The following SPRR2G variants were observed in gnomAD, a reference collection of about 807,000 sequenced individuals.
The protein encoded by SPRR2G is small proline rich protein 2G.
A neutral mutation model predicts 0.7 loss-of-function variants in SPRR2G; 1 was observed. That is an observed-to-expected ratio of 1.49 (90% CI 0.53 to 7.06). The LOEUF (loss-of-function observed/expected upper bound fraction) is 7.06, where lower values mean the gene tolerates loss of function less well. SPRR2G is among the 30% of genes most tolerant of loss of function. SPRR2G has a pLI of 0.14. For synonymous variants in SPRR2G, 38 were observed against 33.9 expected, an observed-to-expected ratio of 1.12 and a Z score of -0.42; for missense variants, 96 against 88.5, an observed-to-expected ratio of 1.09 and a Z score of -0.34.
chr1:153,189,840 A>G, the SPRR2G span, among the ~76,000 whole-genome samples: 1 of 152,128 alleles, frequency 6.6e-6, no homozygotes, highest in Admixed American at 6.5e-5. Flanking sequence ...GAGTCAAAGA[A>G]AGGACGATAC....
the SPRR2G span, among the ~76,000 whole-genome samples, chr1:153,161,690 C>T: frequency 6.6e-6 from 1 of 152,072 alleles, no homozygotes; most frequent in South Asian, 2.1e-4. Context: ...CCCAGGCTGC[C>T]ATTAGCTGGT....
chr1:153,182,122 A>T, the SPRR2G span, among the ~76,000 whole-genome samples: 1 of 152,092 alleles, frequency 6.6e-6, no homozygotes, highest in African/African-American at 2.4e-5. Flanking sequence ...CTGGAGTGAG[A>T]GGATATCTCA....
chr1:153,189,119 A>G, the SPRR2G span, among the ~76,000 whole-genome samples: 1 of 152,158 alleles, frequency 6.6e-6, no homozygotes, highest in Non-Finnish European at 1.5e-5. Context: ...AGCTCTCTTT[A>G]AGAAATTTTT....
chr1:153,197,403 G>C, the SPRR2G span, among the ~76,000 whole-genome samples: 1 of 152,058 alleles, frequency 6.6e-6, no homozygotes, highest in Non-Finnish European at 1.5e-5. Context: ...ATTCATGTTG[G>C]AAGCTGACCC....
At chr1:153,183,023 T>G in the SPRR2G span, among the ~76,000 whole-genome samples, 1 of 151,882 alleles carries the variant, frequency 6.6e-6, no homozygotes, top group Middle Eastern at 3.2e-3. Flanking sequence ...TGTTCGTATA[T>G]ATCCACATCC....
chr1:153,164,649 A>G, the SPRR2G span, among the ~76,000 whole-genome samples: 1 of 152,182 alleles, frequency 6.6e-6, no homozygotes. Flanking sequence ...TATAATTTAA[A>G]TCATCTTTAG....
the SPRR2G span, among the ~76,000 whole-genome samples, chr1:153,182,006 C>G: frequency 1.3e-5 from 2 of 151,950 alleles, no homozygotes; most frequent in African/African-American, 4.8e-5. Flanking sequence ...ATACTGTTAC[C>G]CATAATGGCT....
upstream of SPRR2G, among the ~76,000 whole-genome samples, chr1:153,155,869 G>A (rs1429861210): frequency 1.3e-5 from 2 of 152,108 alleles, no homozygotes; most frequent in African/African-American, 2.4e-5. Context: ...AAGCCTTCCT[G>A]GATCCCTCCT....
chr1:153,158,780 C>G, the SPRR2G span, among the ~76,000 whole-genome samples: 1 of 152,204 alleles, frequency 6.6e-6, no homozygotes, highest in Non-Finnish European at 1.5e-5. Flanking sequence ...CCTCTGACAT[C>G]TAGGCAGAGG....
the SPRR2G span, among the ~76,000 whole-genome samples, chr1:153,165,157 C>CATGG: frequency 0.27 from 40,375 of 149,056 alleles, 5,613 homozygotes; most frequent in East Asian, 0.4. Flanking sequence ...AGAAAGCAAA[C>CATGG]ATGGATGGAT....
chr1:153,155,149 A>G (rs1417599594), upstream of SPRR2G, among the ~76,000 whole-genome samples: 1 of 152,084 alleles, frequency 6.6e-6, no homozygotes, highest in Non-Finnish European at 1.5e-5. Flanking sequence ...AATGATTCCT[A>G]TGGTTTCAGT....
At chr1:153,151,733 C>G (rs1347986205), upstream of SPRR2G, among the ~76,000 whole-genome samples, 1 of 152,200 alleles carries the variant, frequency 6.6e-6, no homozygotes, top group African/African-American at 2.4e-5. Context: ...CAATTTCTCT[C>G]TTTTGAAATG....
the SPRR2G span, among the ~76,000 whole-genome samples, chr1:153,182,316 T>C: frequency 6.6e-6 from 1 of 151,936 alleles, no homozygotes; most frequent in South Asian, 2.1e-4. Flanking sequence ...ATAATACTTA[T>C]ATTTTAAGAA....
chr1:153,187,443 T>G, the SPRR2G span, among the ~76,000 whole-genome samples: 252 of 152,184 alleles, frequency 1.7e-3, no homozygotes, highest in Non-Finnish European at 2.2e-3. Flanking sequence ...CTTTATTTCA[T>G]TAAGTTGATC....
chr1:153,188,755 C>A, the SPRR2G span, among the ~76,000 whole-genome samples: 1 of 152,196 alleles, frequency 6.6e-6, no homozygotes, highest in Non-Finnish European at 1.5e-5. Context: ...TCAAGGTCTG[C>A]CCAAACAGCC....
At chr1:153,196,979 C>T in the SPRR2G span, among the ~76,000 whole-genome samples, 1 of 152,148 alleles carries the variant, frequency 6.6e-6, no homozygotes, top group Admixed American at 6.5e-5. Context: ...GTGGACTCCA[C>T]AGAGGAGTCC....
chr1:153,183,671 C>A, the SPRR2G span, among the ~76,000 whole-genome samples: 1 of 152,048 alleles, frequency 6.6e-6, no homozygotes, highest in Non-Finnish European at 1.5e-5. Context: ...CTGCAGGTTG[C>A]CTGTTCACTC....
the SPRR2G span, among the ~76,000 whole-genome samples, chr1:153,159,053 C>T: frequency 2.0e-5 from 3 of 152,238 alleles, no homozygotes; most frequent in African/African-American, 4.8e-5. Context: ...GGGGCTGCCA[C>T]GAAGATCTCT....
chr1:153,168,254 C>T, the SPRR2G span, among the ~76,000 whole-genome samples: 3 of 152,200 alleles, frequency 2.0e-5, no homozygotes, highest in African/African-American at 7.2e-5. Context: ...ATGCCCATAG[C>T]TTTATCTATT....
Sources: gnomAD v4.1 joint callset for allele counts (sites outside exome capture counted in the v4.1 genomes callset) on GRCh38, gnomAD v4.1.1 for gene constraint, MANE v1.5 for transcripts, NCBI Gene and HGNC (gene_info 2026-07-23, HGNC 2026-07-21) for gene names.